SIMC1: variants seen among roughly 807,000 people sequenced by gnomAD.
SIMC1 encodes the protein SUMO interacting motifs containing 1.
A neutral mutation model predicts 82.3 loss-of-function variants in SIMC1; 55 were observed. That is an observed-to-expected ratio of 0.67 (90% CI 0.54 to 0.84). SIMC1 has a LOEUF of 0.84. SIMC1 is among the 40% of genes least tolerant of loss of function. The pLI is 0.00. For missense variants in SIMC1, 915 were observed against 1,107.2 expected, an observed-to-expected ratio of 0.83 and a Z score of 2.46; for synonymous variants, 353 against 426.3, an observed-to-expected ratio of 0.83 and a Z score of 2.12.
intron 7 of SIMC1, among the ~76,000 whole-genome samples, chr5:176,335,985 A>C (rs1765872803): frequency 6.8e-6 from 1 of 145,996 alleles, no homozygotes; most frequent in South Asian, 2.4e-4. Flanking sequence ...TTGAAGCTGC[A>C]GTGTGTGATG....
At chr5:176,334,193 C>T (rs1765789640) in intron 7 of SIMC1, among the ~76,000 whole-genome samples, 1 of 152,094 alleles carries the variant, frequency 6.6e-6, no homozygotes, top group African/African-American at 2.4e-5. Flanking sequence ...GCTTTTTTTA[C>T]TTGTCTGGTA....
chr5:176,242,389 T>TA (rs1360331558), intron 1 of SIMC1, among the ~76,000 whole-genome samples: 1 of 151,940 alleles, frequency 6.6e-6, no homozygotes, highest in African/African-American at 2.4e-5. Context: ...TAAATTTTGA[T>TA]AAAGTTTAAC....
At chr5:176,271,374 A>G (rs368022251) in intron 1 of SIMC1, among the ~76,000 whole-genome samples, 162 of 152,266 alleles carry the variant, frequency 1.1e-3, no homozygotes, top group African/African-American at 3.7e-3. Flanking sequence ...AAAAAAGTGT[A>G]TGAGTAGATA....
rs759752706 is a variant in SIMC1 at position 176,289,998 on chromosome 5, G to A, written c.474G>A (p.Glu158=). Residue 158 remains glutamate, a synonymous_variant, in exon 2 of 10, where the codon GAG becomes GAA. Transcript: ENST00000429602. Reference sequence around the variant, plus strand: ...GTGGAGGCTCTGTTTATCCAACAGAGCCTAATTGTAGCTCAGCCACATTCA... The same window carrying A: ...GTGGAGGCTCTGTTTATCCAACAGAACCTAATTGTAGCTCAGCCACATTCA... ...SISGGSVYPT[E]PNCSSATFTG... 3.1e-6 allele frequency: 5 copies of A among 1,613,786 alleles called. No homozygotes were observed. Among genetic ancestry groups the A allele is most frequent in the Non-Finnish European group, 2.5e-6 (3 of 1,179,822 alleles).
chr5:176,283,980 C>T (rs1247783521), intron 1 of SIMC1, among the ~76,000 whole-genome samples: 1 of 152,136 alleles, frequency 6.6e-6, no homozygotes. Context: ...CCTAACTATC[C>T]TAAATATATA....
intron 6 of SIMC1, 53 bp downstream of exon 6, chr5:176,322,478 A>G: frequency 6.4e-7 from 1 of 1,553,750 alleles, no homozygotes; most frequent in Non-Finnish European, 8.7e-7. Flanking sequence ...AGTGTTTTAG[A>G]GAGAACAACA....
At chr5:176,268,767 G>A (rs377344801) in intron 1 of SIMC1, among the ~76,000 whole-genome samples, 2 of 152,176 alleles carry the variant, frequency 1.3e-5, no homozygotes, top group South Asian at 2.1e-4. Flanking sequence ...AAACTGGATC[G>A]CCCCCACCAA....
At chr5:176,317,285 CCTT>C (rs1764957278) in intron 5 of SIMC1, among the ~76,000 whole-genome samples, 1 of 151,968 alleles carries the variant, frequency 6.6e-6, no homozygotes, top group African/African-American at 2.4e-5. Flanking sequence ...CCATATGAAC[CCTT>C]CTTAAGGGAT....
At chr5:176,336,333 C>T (rs1006071257) in intron 7 of SIMC1, among the ~76,000 whole-genome samples, 5 of 152,096 alleles carry the variant, frequency 3.3e-5, no homozygotes, top group African/African-American at 4.8e-5. Flanking sequence ...TACCCCTTGC[C>T]CCTGTTCAAC....
intron 4 of SIMC1, among the ~76,000 whole-genome samples, chr5:176,297,722 A>G (rs896812210): frequency 2.3e-4 from 35 of 152,186 alleles, no homozygotes; most frequent in African/African-American, 8.2e-4. Flanking sequence ...ACTATCAGTT[A>G]AGTGTGAGGA....
chr5:176,339,675 A>C (rs1188201634), intron 9 of SIMC1, among the ~76,000 whole-genome samples: 1 of 152,180 alleles, frequency 6.6e-6, no homozygotes, highest in African/African-American at 2.4e-5. Context: ...TTTATTACAG[A>C]ATATTTTTTA....
chr5:176,320,847 TC>T (rs1765128574), intron 5 of SIMC1, among the ~76,000 whole-genome samples: 1 of 152,214 alleles, frequency 6.6e-6, no homozygotes, highest in African/African-American at 2.4e-5. Context: ...TAAAATGTAT[TC>T]CTTTGCCTAA....
At chr5:176,280,176 T>C (rs1429224349) in intron 1 of SIMC1, among the ~76,000 whole-genome samples, 1 of 152,202 alleles carries the variant, frequency 6.6e-6, no homozygotes, top group African/African-American at 2.4e-5. Flanking sequence ...GGTGTATATA[T>C]ATTTAGGATA....
In SIMC1 at chr5:176,295,018, T is replaced by G; in HGVS notation, c.1432-12T>G. ...AAATCCCTCCTAATTTCCTTCTTTTTAATCTCTACAGAACAAGGGTCAAAA... is the reference window on the plus strand; with the variant it reads ...AAATCCCTCCTAATTTCCTTCTTTTGAATCTCTACAGAACAAGGGTCAAAA... On this transcript the variant is annotated splice_polypyrimidine_tract_variant and intron_variant, in intron 2 of 9. Coordinates refer to ENST00000429602, the MANE Select transcript of SIMC1 (RefSeq NM_001308195.2). 1 of 1,598,758 alleles carries G rather than the reference T, an allele frequency of 6.3e-7. No homozygotes were observed. Among genetic ancestry groups the G allele is most frequent in the East Asian group, 2.2e-5 (1 of 44,786 alleles).
At chr5:176,340,333 C>T (rs540325133) in intron 9 of SIMC1, among the ~76,000 whole-genome samples, 11 of 152,296 alleles carry the variant, frequency 7.2e-5, no homozygotes, top group South Asian at 2.1e-4. Flanking sequence ...GTTGCATAGC[C>T]ATGTGGCTCA....
Position 176,303,124 on chromosome 5 carries a change from C to T in SIMC1, c.1734+6804C>T, listed in dbSNP as rs530584011. Among the ~76,000 whole-genome samples, 11 of 151,982 alleles carry T rather than the reference C, an allele frequency of 7.2e-5. No individual in the cohort carries two copies. The East Asian group carries it at 1.9e-3, about 27-fold the overall frequency. On this transcript the variant is annotated intron_variant, in intron 4 of 9. Transcript: ENST00000429602. ...TCTTTCAGAAGTTGATGTCTTTAGC[C>T]GGGCATGATGGTGGGCACCTGTAAT...
intron 1 of SIMC1, among the ~76,000 whole-genome samples, chr5:176,279,780 A>G (rs1320087573): frequency 4.6e-5 from 7 of 151,576 alleles, no homozygotes; most frequent in African/African-American, 1.7e-4. Flanking sequence ...GTAGTTGAGG[A>G]GTTTTGAGTG....
At chr5:176,314,128 G>T (rs369608064) in intron 5 of SIMC1, among the ~76,000 whole-genome samples, 1 of 152,254 alleles carries the variant, frequency 6.6e-6, no homozygotes, top group Non-Finnish European at 1.5e-5. Context: ...TTAGCAGGGC[G>T]TGGTGGCGTA....
chr5:176,271,914 TTGTA>T (rs1353248030), intron 1 of SIMC1, among the ~76,000 whole-genome samples: 1 of 89,630 alleles, frequency 1.1e-5, no homozygotes, highest in Non-Finnish European at 2.4e-5. Context: ...TAGTATATAA[TTGTA>T]TATTATATTA....
Sources: allele counts gnomAD v4.1 joint callset (sites outside exome capture counted in the v4.1 genomes callset), GRCh38; gene constraint gnomAD v4.1.1; transcripts MANE v1.5; gene names NCBI Gene and HGNC (gene_info 2026-07-23, HGNC 2026-07-21).